GPR89B: variants seen among roughly 807,000 people sequenced by gnomAD.
GPR89B encodes the protein golgi pH regulator B.
A neutral mutation model predicts 52.4 loss-of-function variants in GPR89B; 25 were observed. The observed-to-expected ratio is 0.48, with a 90% CI of 0.35 to 0.67. The LOEUF (loss-of-function observed/expected upper bound fraction) is 0.67, where lower values mean the gene tolerates loss of function less well. Among genes scored for constraint, GPR89B ranks in the 30% least tolerant of loss-of-function variants. GPR89B has a pLI of 0.01. For missense variants in GPR89B, 146 were observed against 450.2 expected (o/e 0.32, Z 6.11); for synonymous variants, 52 against 151.2 (o/e 0.34, Z 4.81).
chr1:147,945,975 C>T lies in GPR89B; in HGVS notation c.415+1877C>T, dbSNP rs1432002097. Among the ~76,000 whole-genome samples, 3 of 152,238 alleles carry T rather than the reference C, an allele frequency of 2.0e-5. No homozygotes were observed. The East Asian group carries it at 5.8e-4, about 29-fold the overall frequency. On this transcript the variant is annotated intron_variant, in intron 5 of 13. Coordinates refer to ENST00000314163, the MANE Select transcript of GPR89B (RefSeq NM_016334.5). Reference sequence around the variant, plus strand: ...TCCTGAGCTCAGGGGATCGACCCACCTCAGCTTCCCAAAGTGCTGGGATTA... The same window carrying T: ...TCCTGAGCTCAGGGGATCGACCCACTTCAGCTTCCCAAAGTGCTGGGATTA...
chr1:147,959,163 G>C (rs1400090407), intron 7 of GPR89B, among the ~76,000 whole-genome samples: 1 of 152,056 alleles, frequency 6.6e-6, no homozygotes, highest in Non-Finnish European at 1.5e-5. Context: ...GTACAAAAAA[G>C]TTAATGGTTT....
chr1:147,997,231 A>G (rs1369467790), downstream of GPR89B, among the ~76,000 whole-genome samples: 1 of 152,166 alleles, frequency 6.6e-6, no homozygotes, highest in African/African-American at 2.4e-5. Context: ...CACTTGTGAT[A>G]GTTAATTTTA....
chr1:147,930,390 T>G (rs1181431470), intron 1 of GPR89B, among the ~76,000 whole-genome samples: 1 of 152,194 alleles, frequency 6.6e-6, no homozygotes, highest in East Asian at 1.9e-4. Context: ...TTTCCATGTT[T>G]TATTATCTTC....
intron 10 of GPR89B, among the ~76,000 whole-genome samples, chr1:147,971,464 C>CTTTTTTTTTTTTTTTTTTTTT (rs1196935183): frequency 1.4e-5 from 1 of 70,240 alleles, no homozygotes; most frequent in African/African-American, 6.2e-5. Flanking sequence ...GGAAGCATGT[C>CTTTTTTTTTTTTTTTTTTTTT]TTTTTTTTTT....
chr1:147,933,405 A>G (rs1470673514), intron 1 of GPR89B, among the ~76,000 whole-genome samples: 2 of 151,596 alleles, frequency 1.3e-5, no homozygotes, highest in Non-Finnish European at 2.9e-5. Flanking sequence ...CTTACTCTAG[A>G]TACTATTCCC....
intron 7 of GPR89B, among the ~76,000 whole-genome samples, chr1:147,962,423 C>CAAAA (rs1176963367): frequency 1.2e-5 from 1 of 80,942 alleles, no homozygotes; most frequent in Non-Finnish European, 2.5e-5. Flanking sequence ...AACTCTGTCT[C>CAAAA]AAAAAAAAAA....
At chr1:147,989,859 C>A (rs1360286757) in intron 12 of GPR89B, among the ~76,000 whole-genome samples, 1 of 152,120 alleles carries the variant, frequency 6.6e-6, no homozygotes, top group Non-Finnish European at 1.5e-5. Flanking sequence ...GGTTCCAAGT[C>A]TTTGCTATTG....
At chr1:147,996,115 A>G (rs1426304490), downstream of GPR89B, among the ~76,000 whole-genome samples, 1 of 152,084 alleles carries the variant, frequency 6.6e-6, no homozygotes, top group African/African-American at 2.4e-5. Flanking sequence ...TCAGCGTCAT[A>G]TGTCTTCTGG....
intron 5 of GPR89B, among the ~76,000 whole-genome samples, chr1:147,947,007 A>G (rs1655025775): frequency 6.6e-6 from 1 of 152,034 alleles, no homozygotes; most frequent in South Asian, 2.1e-4. Context: ...GGACTGTCCC[A>G]ACAACCAGTA....
chr1:147,934,430 C>G (rs1653913456), intron 1 of GPR89B, among the ~76,000 whole-genome samples: 1 of 152,108 alleles, frequency 6.6e-6, no homozygotes, highest in Non-Finnish European at 1.5e-5. Context: ...ACCCAAAGTG[C>G]TAGGATTACA....
chr1:147,979,784 A>G (rs1166734279), intron 10 of GPR89B, among the ~76,000 whole-genome samples: 1 of 151,996 alleles, frequency 6.6e-6, no homozygotes, highest in Non-Finnish European at 1.5e-5. Flanking sequence ...ATTTGCTAAA[A>G]TTACGTTAAG....
chr1:147,938,724 A>T lies in GPR89B; in HGVS notation c.113A>T (p.Tyr38Phe). The change falls in exon 3 of 14, where the codon TAT (tyrosine) becomes TTT (phenylalanine). Residue 38 changes from tyrosine (Y) to phenylalanine (F), a missense_variant. Tyr to Phe is a conservative substitution (Grantham distance 22). Transcript: ENST00000314163. ...QLFKDYEIRQYVVQVIFSVTF... is the reference protein window; with the variant it reads ...QLFKDYEIRQFVVQVIFSVTF... ...TTTGGCTTTTAACAGATACGTCAGT[A>T]TGTTGTACAGGTGATCTTCTCCGTG... 6.3e-7 allele frequency: 1 copy of T among 1,577,464 alleles called. No individual in the cohort carries two copies. Among genetic ancestry groups the T allele is most frequent in the Non-Finnish European group, 8.6e-7 (1 of 1,159,316 alleles).
chr1:147,951,159 T>A lies in GPR89B; in HGVS notation c.416-2186T>A, dbSNP rs1373930159. Among the ~76,000 whole-genome samples, 3 of 151,606 alleles carry A rather than the reference T, an allele frequency of 2.0e-5. No homozygotes were observed. In the South Asian group the frequency reaches 6.3e-4, roughly 32 times the overall value. ...CACTTGAATCCTGACTCTGCCCCTT[T>A]TATCTGTGTGGCCTTAACTAAGTTA... On this transcript the variant is annotated intron_variant, in intron 5 of 13. Transcript: ENST00000314163.
the GPR89B span, among the ~76,000 whole-genome samples, chr1:148,016,887 A>T: frequency 1.5e-4 from 22 of 151,152 alleles, no homozygotes; most frequent in Admixed American, 6.6e-5. Flanking sequence ...TTCATTTTGC[A>T]TATTTTCAAT....
intron 10 of GPR89B, among the ~76,000 whole-genome samples, chr1:147,970,930 A>T (rs1270291362): frequency 2.6e-5 from 4 of 151,288 alleles, no homozygotes; most frequent in Non-Finnish European, 4.4e-5. Context: ...GTGTTTGTGC[A>T]CAGAGGAGCT....
rs782681007 is a variant in GPR89B, at chr1:147,943,406, C to T, written c.207-32C>T. On this transcript the variant is annotated intron_variant, in intron 3 of 13. Coordinates refer to ENST00000314163, the MANE Select transcript of GPR89B (RefSeq NM_016334.5). ...GAAAGAAAGTTGCTGCCCTCTCTTC[C>T]TCCCAGTGACAGTCTTTGACATTTA... The T allele has an allele frequency of 1.6e-5, 25 of 1,598,906 alleles. No individual in the cohort carries two copies. The South Asian group carries it at 2.6e-4, about 17-fold the overall frequency.
the GPR89B span, among the ~76,000 whole-genome samples, chr1:148,024,976 C>T: frequency 6.6e-6 from 1 of 151,880 alleles, no homozygotes; most frequent in East Asian, 1.9e-4. Context: ...CTGATCTTTC[C>T]TTCACATCCT....
chr1:147,950,115 G>C lies in GPR89B; in HGVS notation c.416-3230G>C, dbSNP rs587654947. Among the ~76,000 whole-genome samples, 396 of 151,816 alleles carry C rather than the reference G, an allele frequency of 2.6e-3. 4 individuals are homozygous for C. Among genetic ancestry groups the C allele is most frequent in the African/African-American group, 8.5e-3 (351 of 41,368 alleles). On this transcript the variant is annotated intron_variant, in intron 5 of 13. Transcript: ENST00000314163. Reference sequence around the variant, plus strand: ...TCCCGGACGGGGTGGCTGCCGGGCAGAGACGCTCCTCACTTCCCAGACGGG... The same window carrying C: ...TCCCGGACGGGGTGGCTGCCGGGCACAGACGCTCCTCACTTCCCAGACGGG...
chr1:148,005,342 T>C, the GPR89B span: 4 of 1,304,492 alleles, frequency 3.1e-6, no homozygotes, highest in South Asian at 2.6e-5. Context: ...GAGTGGAAGA[T>C]AGGGTAAGAA....
Sources: allele counts gnomAD v4.1 joint callset (sites outside exome capture counted in the v4.1 genomes callset), GRCh38; gene constraint gnomAD v4.1.1; transcripts MANE v1.5; gene names NCBI Gene and HGNC (gene_info 2026-07-23, HGNC 2026-07-21).